The following RIC1 variants were observed in gnomAD, a reference collection of about 807,000 sequenced individuals.
The protein encoded by RIC1 is RIC1 partner of RAB6A GEF complex, also known as guanine nucleotide exchange factor subunit RIC1.
Under a neutral mutation model 169.0 loss-of-function variants are expected in RIC1, and 88 were observed. That is an observed-to-expected ratio of 0.52 (90% CI 0.44 to 0.62). The LOEUF (loss-of-function observed/expected upper bound fraction) is 0.62, where lower values mean the gene tolerates loss of function less well. Ranked by LOEUF, RIC1 falls within the 20% of genes least tolerant of loss-of-function variation. The pLI is 0.00. For synonymous variants in RIC1, 790 were observed against 601.5 expected (o/e 1.31, Z -4.59); for missense variants, 1,877 against 1,725.5 (o/e 1.09, Z -1.56).
chr9:5,635,138 C>G (rs1817909232), intron 1 of RIC1, among the ~76,000 whole-genome samples: 1 of 152,130 alleles, frequency 6.6e-6, no homozygotes, highest in Non-Finnish European at 1.5e-5. Context: ...CAGATGCATG[C>G]CACCATGCCT....
chr9:5,771,223 C>T (rs1827196558), intron 23 of RIC1, among the ~76,000 whole-genome samples: 1 of 152,204 alleles, frequency 6.6e-6, no homozygotes, highest in Non-Finnish European at 1.5e-5. Context: ...GCTCCTCATA[C>T]CTTCTTCCCC....
At chr9:5,690,099 C>T in intron 3 of RIC1, 61 bp downstream of exon 3, 1 of 1,185,896 alleles carries the variant, frequency 8.4e-7, no homozygotes, top group Non-Finnish European at 1.2e-6. Flanking sequence ...TTCAGAAAAA[C>T]ATTACAGTTT....
Position 5,754,716 on chromosome 9 carries a change from G to A in RIC1, c.1603-125G>A, listed in dbSNP as rs1825902728. On this transcript the variant is annotated intron_variant, in intron 14 of 25. Transcript: ENST00000414202. ...ACTGCACTCCAGCATGGGTGACAGA[G>A]TGAGACTGTCTCAAAAAATAATAAT... 3 of 545,904 alleles carry A rather than the reference G, an allele frequency of 5.5e-6. No individual in the cohort carries two copies. In the East Asian group the frequency reaches 9.4e-5, roughly 17 times the overall value. 33.8% of individuals were successfully genotyped at this position (545,904 alleles called of 1,614,324 possible). A position where few individuals can be genotyped will look rare whatever the true frequency, so the allele number is the denominator to read the frequency against.
chr9:5,632,199 G>A (rs1445662828), intron 1 of RIC1, among the ~76,000 whole-genome samples: 4 of 152,174 alleles, frequency 2.6e-5, no homozygotes, highest in African/African-American at 4.8e-5. Context: ...GGCTCTCTTA[G>A]GAGTGATATA....
At chr9:5,773,515 T>TA in intron 25 of RIC1, among the ~76,000 whole-genome samples, 1 of 152,332 alleles carries the variant, frequency 6.6e-6, no homozygotes, top group East Asian at 1.9e-4. Context: ...TGGTTGCAGT[T>TA]AAGAGCCTTG....
At chr9:5,636,307 A>G (rs1817968783) in intron 1 of RIC1, among the ~76,000 whole-genome samples, 1 of 151,818 alleles carries the variant, frequency 6.6e-6, no homozygotes, top group Admixed American at 6.6e-5. Flanking sequence ...CATAAATGGT[A>G]TTGTTTTCTT....
intron 17 of RIC1, 41 bp from the exon 18 acceptor site, chr9:5,762,500 A>T: frequency 6.2e-7 from 1 of 1,611,382 alleles, no homozygotes; most frequent in Non-Finnish European, 8.5e-7. Flanking sequence ...AAGCATACCG[A>T]TACAGAAGTA....
chr9:5,732,661 G>A (rs138081321), intron 7 of RIC1, among the ~76,000 whole-genome samples, 182 bp downstream of exon 7: 2 of 152,154 alleles, frequency 1.3e-5, no homozygotes, highest in African/African-American at 2.4e-5. Context: ...CAAAAGTAAA[G>A]GGCAGATTTT....
intron 2 of RIC1, among the ~76,000 whole-genome samples, chr9:5,660,022 A>G (rs1426103698): frequency 6.6e-6 from 1 of 151,928 alleles, no homozygotes; most frequent in Non-Finnish European, 1.5e-5. Flanking sequence ...CCATCCTCTA[A>G]CAGACCCCAG....
chr9:5,684,021 C>T (rs1052660945), intron 2 of RIC1, among the ~76,000 whole-genome samples: 1 of 152,070 alleles, frequency 6.6e-6, no homozygotes, highest in Non-Finnish European at 1.5e-5. Context: ...GGGAGTGACT[C>T]GATTTTCCTG....
rs910778955 is a variant in RIC1, at chr9:5,698,264, T to C, written c.332+8226T>C. On this transcript the variant is annotated intron_variant, in intron 3 of 25. Transcript: ENST00000414202. ...ATGCTTTAAAAGCAGTCTTCTTTTCTTTTAAGACTTCTGTGTAGTTTTTAT... is the reference window on the plus strand; with the variant it reads ...ATGCTTTAAAAGCAGTCTTCTTTTCCTTTAAGACTTCTGTGTAGTTTTTAT... 5.9e-5 allele frequency among the ~76,000 whole-genome samples: 9 copies of C among 152,238 alleles called. 1 individual carries two copies. Among genetic ancestry groups the C allele is most frequent in the Admixed American group, 5.9e-4 (9 of 15,288 alleles).
At chr9:5,649,184 A>C (rs1818676085) in intron 1 of RIC1, among the ~76,000 whole-genome samples, 1 of 152,184 alleles carries the variant, frequency 6.6e-6, no homozygotes, top group African/African-American at 2.4e-5. Flanking sequence ...GTCTTCTTAG[A>C]CCACAGTAGA....
At chr9:5,639,968 T>A (rs148299936) in intron 1 of RIC1, among the ~76,000 whole-genome samples, 46 of 152,328 alleles carry the variant, frequency 3.0e-4, no homozygotes, top group African/African-American at 1.1e-3. Context: ...CCTTTGTATG[T>A]GAAGTGTGTT....
Position 5,769,410 on chromosome 9 carries a change from ACT to A in RIC1, c.3424+155_3424+156del, listed in dbSNP as rs1586729033. 5.8e-6 allele frequency: 9 copies of A among 1,561,720 alleles called. No individual in the cohort carries two copies. In the East Asian group the frequency reaches 1.4e-4, roughly 25 times the overall value. ...TTTTTGTACATGAGTTGGAATGCCC[ACT>A]GTTTGACCAAAGATGTAAATAAAGT... On this transcript the variant is annotated intron_variant, in intron 22 of 25. Transcript: ENST00000414202.
At chr9:5,729,237 T>C (rs1213804540) in intron 6 of RIC1, among the ~76,000 whole-genome samples, 1 of 152,036 alleles carries the variant, frequency 6.6e-6, no homozygotes, top group Non-Finnish European at 1.5e-5. Context: ...GGTGGGGGTG[T>C]TTTGTTTTGT....
In RIC1 at chr9:5,738,494, T is replaced by A; in HGVS notation, c.857T>A (p.Met286Lys). The change falls in exon 8 of 26, where the codon ATG becomes AAG. Residue 286 changes from methionine (M) to lysine (K), a missense_variant. Met to Lys is a moderately conservative substitution (Grantham distance 95, BLOSUM62 -1). Around this residue, in one of 3 missense-constraint regions of RIC1, gnomAD observed 1,104 missense variants for 992.0 expected, o/e 1.11. Transcript: ENST00000414202. ...VYTIDNSTGA[M>K]LLSHKLELTA... ...ACAATAGATAACAGCACTGGAGCCA[T>A]GCTGCTATCTCATAAATTAGAGCTA... The A allele has an allele frequency of 6.2e-7, 1 of 1,606,666 alleles. No individual in the cohort carries two copies. Among genetic ancestry groups the A allele is most frequent in the Non-Finnish European group, 8.5e-7 (1 of 1,177,556 alleles).
At chr9:5,681,011 A>G (rs1820796797) in intron 2 of RIC1, among the ~76,000 whole-genome samples, 1 of 150,558 alleles carries the variant, frequency 6.6e-6, no homozygotes, top group Non-Finnish European at 1.5e-5. Flanking sequence ...TATTTTTAGT[A>G]GAGACGGGGT....
intron 2 of RIC1, among the ~76,000 whole-genome samples, chr9:5,672,097 G>C (rs1391595740): frequency 6.6e-6 from 1 of 152,202 alleles, no homozygotes. Flanking sequence ...GACAGTGCCT[G>C]AGAGGAGACT....
chr9:5,651,558 CTTTTTTTT>C (rs58654916), intron 1 of RIC1, among the ~76,000 whole-genome samples: 2 of 107,848 alleles, frequency 1.9e-5, no homozygotes, highest in Non-Finnish European at 3.6e-5. Context: ...AGTCTTTAAT[CTTTTTTTT>C]TTTTTTTTTT....
Sources: allele counts gnomAD v4.1 joint callset (sites outside exome capture counted in the v4.1 genomes callset), GRCh38; gene constraint gnomAD v4.1.1; regional missense constraint gnomAD v4.1.1; transcripts MANE v1.5; gene names NCBI Gene and HGNC (gene_info 2026-07-23, HGNC 2026-07-21).